The following EPM2A variants were observed in gnomAD, a reference collection of about 807,000 sequenced individuals.
EPM2A encodes the protein laforin.
EPM2A carries 21 observed loss-of-function variants against 26.5 expected under a neutral mutation model. The ratio of observed to expected loss-of-function variants is 0.79; its 90% CI spans 0.56 to 1.14. EPM2A has a LOEUF of 1.14. Among genes scored for constraint, EPM2A ranks in the 50% most tolerant of loss-of-function variants. The pLI, the probability that EPM2A is intolerant of heterozygous loss-of-function variation, is 0.00. For synonymous variants in EPM2A, 217 were observed against 177.6 expected, an observed-to-expected ratio of 1.22 and a Z score of -1.76; for missense variants, 458 against 440.8, an observed-to-expected ratio of 1.04 and a Z score of -0.35.
intron 4 of EPM2A, among the ~76,000 whole-genome samples, chr6:145,406,675 C>T (rs1778573632): frequency 6.6e-6 from 1 of 152,070 alleles, no homozygotes; most frequent in Admixed American, 6.6e-5. Flanking sequence ...TCAGGAAAAC[C>T]AAATGTCTTA....
intron 1 of EPM2A, among the ~76,000 whole-genome samples, chr6:145,698,055 A>C (rs1781709177): frequency 6.6e-6 from 1 of 152,210 alleles, no homozygotes; most frequent in African/African-American, 2.4e-5. Context: ...CAGGCATAAG[A>C]AATTATAAAA....
At chr6:145,665,709 C>A (rs1174172385) in intron 2 of EPM2A, among the ~76,000 whole-genome samples, 29 of 133,908 alleles carry the variant, frequency 2.2e-4, no homozygotes, top group South Asian at 5.1e-4. Context: ...GAGACACAAC[C>A]AAAAAAGAGA....
intron 4 of EPM2A, among the ~76,000 whole-genome samples, chr6:145,401,530 A>G (rs760059432): frequency 6.6e-6 from 1 of 152,148 alleles, no homozygotes; most frequent in Non-Finnish European, 1.5e-5. Flanking sequence ...ATTGCATTCT[A>G]CCCCAAAGTC....
chr6:145,584,566 G>A (rs1438790795), intron 2 of EPM2A, among the ~76,000 whole-genome samples: 2 of 152,128 alleles, frequency 1.3e-5, no homozygotes, highest in African/African-American at 4.8e-5. Flanking sequence ...CTGGAATTCT[G>A]CTCCTACCAC....
intron 1 of EPM2A, among the ~76,000 whole-genome samples, chr6:145,693,650 CTG>C (rs1781407358): frequency 6.6e-6 from 1 of 151,922 alleles, no homozygotes; most frequent in South Asian, 2.1e-4. Context: ...TGTAACAAAA[CTG>C]TGCTTGTACC....
intron 4 of EPM2A, among the ~76,000 whole-genome samples, chr6:145,394,683 C>A (rs1031908550): frequency 3.3e-5 from 5 of 152,140 alleles, no homozygotes; most frequent in Admixed American, 2.6e-4. Context: ...GCCAGACCCA[C>A]ACACATGACT....
intron 2 of EPM2A, among the ~76,000 whole-genome samples, chr6:145,563,233 G>T (rs954739896): frequency 6.6e-6 from 1 of 151,608 alleles, no homozygotes; most frequent in African/African-American, 2.4e-5. Context: ...TTATTGGCTT[G>T]CCCAGAGGAG....
At chr6:145,655,766 C>T (rs1016992270) in intron 2 of EPM2A, among the ~76,000 whole-genome samples, 14 of 151,596 alleles carry the variant, frequency 9.2e-5, no homozygotes, top group Non-Finnish European at 1.8e-4. Context: ...AAAGGATATA[C>T]TAGGCGGAAA....
intron 2 of EPM2A, among the ~76,000 whole-genome samples, chr6:145,523,906 AGGTAGT>A (rs146935902): frequency 0.08 from 12,181 of 152,196 alleles, 560 homozygotes; most frequent in East Asian, 0.17. Context: ...AACACCCAAT[AGGTAGT>A]TTTTCAGCCC....
At chr6:145,487,375 G>A (rs1316208721) in intron 4 of EPM2A, among the ~76,000 whole-genome samples, 2 of 152,168 alleles carry the variant, frequency 1.3e-5, no homozygotes, top group African/African-American at 2.4e-5. Context: ...GGATTGCTGA[G>A]TAGAATGGTA....
At chr6:145,534,659 T>C (rs1378962471) in intron 2 of EPM2A, among the ~76,000 whole-genome samples, 1 of 152,230 alleles carries the variant, frequency 6.6e-6, no homozygotes, top group Admixed American at 6.5e-5. Flanking sequence ...GCAGATGCAC[T>C]AGCTCTCCTC....
chr6:145,717,417 AC>A (rs1272252056), intron 1 of EPM2A, among the ~76,000 whole-genome samples: 4 of 151,926 alleles, frequency 2.6e-5, no homozygotes, highest in Non-Finnish European at 4.4e-5. Flanking sequence ...AAATTCAACA[AC>A]CCTTCATGCT....
chr6:145,507,395 A>G lies in EPM2A; in HGVS notation c.341-4820T>C, dbSNP rs534723914. ...GTGGGCAAGCAGCCCTTGCGACAGC[A>G]TTCAGCTGAAAAGGTGTGTGGGAGG... On this transcript the variant is annotated intron_variant, in intron 2 of 3. Transcript: ENST00000450221. 7.2e-5 allele frequency among the ~76,000 whole-genome samples: 11 copies of G among 152,322 alleles called. No individual in the cohort carries two copies. In the South Asian group the frequency reaches 2.3e-3, roughly 32 times the overall value.
chr6:145,518,261 C>T lies in EPM2A; in HGVS notation c.341-15686G>A, dbSNP rs78742926. Among the ~76,000 whole-genome samples the T allele has an allele frequency of 4.8e-3, 732 of 152,158 alleles. 24 individuals are homozygous for T. In the East Asian group the frequency reaches 0.087, roughly 18 times the overall value. Reference sequence around the variant, plus strand: ...AAAGATTGCTGTTTTATGTTCTCAGCGAGAAAAGTTTGATTTCAGAGAAGT... The same window carrying T: ...AAAGATTGCTGTTTTATGTTCTCAGTGAGAAAAGTTTGATTTCAGAGAAGT... On this transcript the variant is annotated intron_variant, in intron 2 of 3. Coordinates refer to the EPM2A transcript ENST00000450221.
At chr6:145,560,640 G>T (rs894916543) in intron 2 of EPM2A, among the ~76,000 whole-genome samples, 1 of 152,024 alleles carries the variant, frequency 6.6e-6, no homozygotes, top group Non-Finnish European at 1.5e-5. Context: ...ATATCTGGTT[G>T]GAAACTTTAT....
At chr6:145,731,611 A>G (rs1204182502) in intron 1 of EPM2A, among the ~76,000 whole-genome samples, 1 of 152,056 alleles carries the variant, frequency 6.6e-6, no homozygotes, top group African/African-American at 2.4e-5. Context: ...AACATCACAC[A>G]CCAAGGCCTG....
intron 4 of EPM2A, among the ~76,000 whole-genome samples, chr6:145,466,671 C>T (rs1779398549): frequency 6.6e-6 from 1 of 152,128 alleles, no homozygotes. Context: ...ATAAATCATG[C>T]TGCTATAAAG....
intron 2 of EPM2A, among the ~76,000 whole-genome samples, chr6:145,603,432 C>T (rs1256642110): frequency 6.6e-6 from 1 of 152,126 alleles, no homozygotes; most frequent in East Asian, 1.9e-4. Flanking sequence ...TTTCAAAGCA[C>T]TCATTTCAGT....
chr6:145,532,522 C>A (rs1780372716), intron 2 of EPM2A, among the ~76,000 whole-genome samples: 1 of 152,122 alleles, frequency 6.6e-6, no homozygotes, highest in Non-Finnish European at 1.5e-5. Context: ...AGGTTGATTA[C>A]CTTGTAATGG....
Sources: gnomAD v4.1 joint callset for allele counts (sites outside exome capture counted in the v4.1 genomes callset) on GRCh38, gnomAD v4.1.1 for gene constraint, MANE v1.5 for transcripts, NCBI Gene and HGNC (gene_info 2026-07-23, HGNC 2026-07-21) for gene names.